The following RAB38 variants were observed in gnomAD, a reference collection of about 807,000 sequenced individuals.
The protein encoded by RAB38 is ras-related protein Rab-38.
In RAB38, 15 loss-of-function variants were observed where a neutral mutation model predicts 18.4. That is an observed-to-expected ratio of 0.82 (90% CI 0.55 to 1.26). The LOEUF is 1.26. RAB38 is among the 50% of genes most tolerant of loss of function. The pLI is 0.00. For missense variants in RAB38, 294 were observed against 267.4 expected (o/e 1.10, Z -0.69); for synonymous variants, 101 against 104.4 (o/e 0.97, Z 0.20).
chr11:88,166,238 A>G (rs1042133508), intron 1 of RAB38: 3 of 152,250 alleles, frequency 2.0e-5, no homozygotes, highest in Middle Eastern at 3.4e-3. Flanking sequence ...TGCTATTTAA[A>G]GCCAAACTGT....
the RAB38 span, among the ~76,000 whole-genome samples, chr11:88,086,460 G>A: frequency 2.0e-5 from 3 of 151,918 alleles, no homozygotes; most frequent in Non-Finnish European, 4.4e-5. Context: ...CTGCCTAAGA[G>A]CTTATGTGTT....
the RAB38 span, among the ~76,000 whole-genome samples, chr11:87,903,795 T>C: frequency 6.6e-6 from 1 of 151,572 alleles, no homozygotes; most frequent in African/African-American, 2.4e-5. Flanking sequence ...AGAGCTTTTT[T>C]CCATTTCCCT....
At chr11:87,975,390 C>T in the RAB38 span, among the ~76,000 whole-genome samples, 2 of 151,802 alleles carry the variant, frequency 1.3e-5, no homozygotes, top group East Asian at 1.9e-4. Flanking sequence ...TTTCAGGTAA[C>T]GAAGCTGAAA....
chr11:87,862,035 A>AG, the RAB38 span, among the ~76,000 whole-genome samples: 9 of 152,120 alleles, frequency 5.9e-5, no homozygotes, highest in South Asian at 4.1e-4. Context: ...AAGGTTGTGG[A>AG]GAAAAAGGAA....
chr11:87,950,837 C>G, the RAB38 span, among the ~76,000 whole-genome samples: 1 of 152,184 alleles, frequency 6.6e-6, no homozygotes, highest in Non-Finnish European at 1.5e-5. Context: ...TTCATTTCAA[C>G]CTTGGTGAAT....
chr11:88,118,870 A>G (rs191081102), intron 2 of RAB38, among the ~76,000 whole-genome samples: 1 of 152,346 alleles, frequency 6.6e-6, no homozygotes, highest in East Asian at 1.9e-4. Flanking sequence ...TGTTTATTAA[A>G]TAATACTCAC....
chr11:88,005,644 T>A, the RAB38 span, among the ~76,000 whole-genome samples: 2 of 151,394 alleles, frequency 1.3e-5, no homozygotes, highest in Non-Finnish European at 3.0e-5. Context: ...TTGCCCATGC[T>A]TTTGTGGTTT....
At chr11:87,933,769 T>C in the RAB38 span, among the ~76,000 whole-genome samples, 4 of 151,924 alleles carry the variant, frequency 2.6e-5, no homozygotes, top group African/African-American at 9.7e-5. Flanking sequence ...CGGGAAGTCC[T>C]ACCTACATTG....
chr11:87,837,324 C>T, the RAB38 span, among the ~76,000 whole-genome samples: 67 of 152,138 alleles, frequency 4.4e-4, 1 homozygote, highest in Non-Finnish European at 7.5e-4. Context: ...ATCTGTATTC[C>T]TTATGTAAAG....
At chr11:88,153,194 T>C (rs1248593461) in intron 1 of RAB38, among the ~76,000 whole-genome samples, 1 of 152,240 alleles carries the variant, frequency 6.6e-6, no homozygotes, top group East Asian at 1.9e-4. Flanking sequence ...TCCCTGAGAC[T>C]CAGTTTTCTT....
the RAB38 span, among the ~76,000 whole-genome samples, chr11:88,077,189 C>A: frequency 6.6e-6 from 1 of 151,592 alleles, no homozygotes; most frequent in East Asian, 1.9e-4. Flanking sequence ...ATTAGAAGAA[C>A]AAATATTTAA....
At chr11:88,052,935 T>TATATATATCTC in the RAB38 span, among the ~76,000 whole-genome samples, 4 of 85,790 alleles carry the variant, frequency 4.7e-5, 1 homozygote, top group African/African-American at 1.6e-4. Context: ...TATATATATA[T>TATATATATCTC]ATATATATAA....
the RAB38 span, among the ~76,000 whole-genome samples, chr11:87,832,212 C>T: frequency 6.6e-6 from 1 of 152,138 alleles, no homozygotes; most frequent in Non-Finnish European, 1.5e-5. Context: ...TGTCCTTGTG[C>T]TTATGAAGCT....
chr11:87,900,421 C>G, the RAB38 span, among the ~76,000 whole-genome samples: 1 of 151,566 alleles, frequency 6.6e-6, no homozygotes. Flanking sequence ...TGGTGAGATC[C>G]TAATGCATGA....
At chr11:88,134,933 A>G (rs987573132) in intron 2 of RAB38, among the ~76,000 whole-genome samples, 1 of 152,160 alleles carries the variant, frequency 6.6e-6, no homozygotes, top group African/African-American at 2.4e-5. Context: ...TCACTCTGCT[A>G]TTGCTCACTC....
the RAB38 span, among the ~76,000 whole-genome samples, chr11:88,068,547 A>G: frequency 6.6e-6 from 1 of 152,218 alleles, no homozygotes; most frequent in African/African-American, 2.4e-5. Flanking sequence ...TTTTTATTCA[A>G]CTAATATTTG....
chr11:87,925,722 A>G, the RAB38 span, among the ~76,000 whole-genome samples: 1 of 152,052 alleles, frequency 6.6e-6, no homozygotes, highest in Non-Finnish European at 1.5e-5. Flanking sequence ...TATAGAAGGC[A>G]GATGACTGCA....
At chr11:88,028,687 T>A in the RAB38 span, among the ~76,000 whole-genome samples, 1 of 152,074 alleles carries the variant, frequency 6.6e-6, no homozygotes, top group East Asian at 1.9e-4. Context: ...GAAAAAAGAA[T>A]AAAAAGAAAT....
At chr11:87,923,515 G>C in the RAB38 span, among the ~76,000 whole-genome samples, 2 of 151,392 alleles carry the variant, frequency 1.3e-5, no homozygotes, top group Non-Finnish European at 2.9e-5. Context: ...GAAGGTATTT[G>C]TATCTTGCTC....
Sources: allele counts gnomAD v4.1 joint callset (sites outside exome capture counted in the v4.1 genomes callset), GRCh38; gene constraint gnomAD v4.1.1; transcripts MANE v1.5; gene names NCBI Gene and HGNC (gene_info 2026-07-23, HGNC 2026-07-21).